Variants in IGF1R observed in about 807,000 individuals in gnomAD.
IGF1R encodes insulin-like growth factor 1 receptor.
Under a neutral mutation model 144.6 loss-of-function variants are expected in IGF1R, and 44 were observed. The observed-to-expected ratio is 0.30, with a 90% CI of 0.24 to 0.39. The LOEUF is 0.39. Ranked by LOEUF, IGF1R falls within the 10% of genes least tolerant of loss-of-function variation. The probability of loss-of-function intolerance (pLI) is 1.00; values close to 1 mark genes in which losing one functional copy is unlikely to be tolerated. For missense variants in IGF1R, 1,355 were observed against 1,833.7 expected, an observed-to-expected ratio of 0.74 and a Z score of 4.77; for synonymous variants, 795 against 722.8, an observed-to-expected ratio of 1.10 and a Z score of -1.60.
intron 2 of IGF1R, among the ~76,000 whole-genome samples, chr15:98,822,511 T>C (rs1480554267): frequency 2.0e-5 from 3 of 152,210 alleles, no homozygotes; most frequent in Admixed American, 1.3e-4. Flanking sequence ...TAAAATACAT[T>C]TTGACCCATT....
chr15:98,956,945 GT>G, intron 20 of IGF1R, 115 bp from the exon 21 acceptor site: 1 of 1,185,948 alleles, frequency 8.4e-7, no homozygotes. Context: ...GCAGGGCTGT[GT>G]TCAGTGCTCC....
At chr15:98,946,703 C>T (rs891028721) in intron 19 of IGF1R, among the ~76,000 whole-genome samples, 8 of 152,114 alleles carry the variant, frequency 5.3e-5, no homozygotes, top group African/African-American at 1.2e-4. Context: ...CAGTGTGAGA[C>T]GCAGTGAGTT....
At chr15:98,944,825 C>T (rs2016491470) in intron 19 of IGF1R, among the ~76,000 whole-genome samples, 1 of 152,258 alleles carries the variant, frequency 6.6e-6, no homozygotes, top group African/African-American at 2.4e-5. Context: ...GCAGGCCAGC[C>T]TCATGCTTTA....
intron 2 of IGF1R, among the ~76,000 whole-genome samples, chr15:98,762,833 G>C (rs2055339825): frequency 6.6e-6 from 1 of 151,474 alleles, no homozygotes; most frequent in African/African-American, 2.4e-5. Flanking sequence ...CGATCACAAG[G>C]TCAAGAGATC....
At chr15:98,833,239 G>C (rs1464084782) in intron 2 of IGF1R, among the ~76,000 whole-genome samples, 1 of 152,142 alleles carries the variant, frequency 6.6e-6, no homozygotes, top group African/African-American at 2.4e-5. Flanking sequence ...TTCCCCATCT[G>C]CCAAACAAAG....
chr15:98,653,981 C>T (rs1290077761), intron 1 of IGF1R, among the ~76,000 whole-genome samples: 1 of 152,196 alleles, frequency 6.6e-6, no homozygotes, highest in Non-Finnish European at 1.5e-5. Context: ...TGAAAGCTGA[C>T]CTTGTGCTAC....
intron 2 of IGF1R, among the ~76,000 whole-genome samples, chr15:98,751,036 C>T (rs559046088): frequency 6.6e-6 from 1 of 152,160 alleles, no homozygotes; most frequent in South Asian, 2.1e-4. Context: ...AGTGATCCAC[C>T]CACCTCGGCC....
intron 2 of IGF1R, among the ~76,000 whole-genome samples, chr15:98,769,409 C>G (rs368081523): frequency 4.6e-5 from 7 of 152,108 alleles, no homozygotes; most frequent in African/African-American, 1.7e-4. Context: ...TCCTTTTGTT[C>G]TTTTTCTGTA....
At position 98,687,077 on chromosome 15, in the gene IGF1R, G is replaced by A. The variant is rs370969416; in HGVS notation, c.95-20485G>A. 7.9e-5 allele frequency among the ~76,000 whole-genome samples: 12 copies of A among 152,354 alleles called. No homozygotes were observed. In the South Asian group the frequency reaches 8.3e-4, roughly 11 times the overall value. ...TTTGGGAGGAGGAGGAGAAGGAAGA[G>A]AGGGAGCATGTGAACAAGAGCAACT... is the stretch of plus-strand genomic sequence containing the variant. On this transcript the variant is annotated intron_variant, in intron 1 of 20. Transcript: ENST00000650285.
At chr15:98,858,305 A>C (rs2011949006) in intron 2 of IGF1R, among the ~76,000 whole-genome samples, 1 of 152,204 alleles carries the variant, frequency 6.6e-6, no homozygotes, top group Non-Finnish European at 1.5e-5. Flanking sequence ...TTGTTTCCTC[A>C]GATATGGAGA....
chr15:98,703,871 A>G (rs985278899), intron 1 of IGF1R, among the ~76,000 whole-genome samples: 1 of 152,226 alleles, frequency 6.6e-6, no homozygotes, highest in Admixed American at 6.5e-5. Flanking sequence ...ATAACAAGTA[A>G]ATAGATGCCT....
intron 19 of IGF1R, among the ~76,000 whole-genome samples, chr15:98,946,437 T>C (rs2016557130): frequency 6.6e-6 from 1 of 152,160 alleles, no homozygotes; most frequent in South Asian, 2.1e-4. Context: ...AGCCGGAGTA[T>C]ACAGCTGCAT....
chr15:98,661,566 C>G (rs2052599264), intron 1 of IGF1R, among the ~76,000 whole-genome samples: 1 of 152,224 alleles, frequency 6.6e-6, no homozygotes, highest in African/African-American at 2.4e-5. Context: ...TGGATGTGAA[C>G]TTAGCTGGAC....
intron 13 of IGF1R, among the ~76,000 whole-genome samples, chr15:98,929,103 T>C (rs1258973099): frequency 6.6e-6 from 1 of 152,070 alleles, no homozygotes; most frequent in Non-Finnish European, 1.5e-5. Flanking sequence ...TTGAGTCCTT[T>C]TACAGGTGTG....
intron 2 of IGF1R, among the ~76,000 whole-genome samples, chr15:98,821,191 G>C (rs978627513): frequency 2.0e-5 from 3 of 152,156 alleles, no homozygotes; most frequent in African/African-American, 7.2e-5. Context: ...TCTGGTGTGA[G>C]ACGCGCTACA....
chr15:98,773,548 T>G (rs45541132), intron 2 of IGF1R, among the ~76,000 whole-genome samples: 2,519 of 152,212 alleles, frequency 0.017, 66 homozygotes, highest in African/African-American at 0.057. Context: ...ACCATTTCCT[T>G]TTGCTCACAG....
intron 1 of IGF1R, among the ~76,000 whole-genome samples, chr15:98,670,078 A>G (rs1027083036): frequency 2.0e-5 from 3 of 152,056 alleles, no homozygotes; most frequent in African/African-American, 7.2e-5. Flanking sequence ...GAGTGTTTGG[A>G]TGTTCGGGGA....
chr15:98,656,250 C>T (rs1442822249), intron 1 of IGF1R, among the ~76,000 whole-genome samples: 3 of 152,198 alleles, frequency 2.0e-5, no homozygotes. Flanking sequence ...ATAGCTGGGC[C>T]TACCTTACTG....
chr15:98,896,349 T>C (rs1567183538), intron 3 of IGF1R, among the ~76,000 whole-genome samples: 1 of 152,176 alleles, frequency 6.6e-6, no homozygotes, highest in African/African-American at 2.4e-5. Flanking sequence ...TAGCGACTCC[T>C]CCAGGTACAC....
Sources: gnomAD v4.1 joint callset for allele counts (sites outside exome capture counted in the v4.1 genomes callset) on GRCh38, gnomAD v4.1.1 for gene constraint, MANE v1.5 for transcripts, NCBI Gene and HGNC (gene_info 2026-07-23, HGNC 2026-07-21) for gene names.